SAMD12: variants seen among roughly 807,000 people sequenced by gnomAD.
SAMD12 encodes sterile alpha motif domain-containing protein 12.
A neutral mutation model predicts 15.0 loss-of-function variants in SAMD12; 9 were observed. That is an observed-to-expected ratio of 0.60 (90% CI 0.36 to 1.05). The LOEUF (loss-of-function observed/expected upper bound fraction) is 1.05. SAMD12 is among the 50% of genes least tolerant of loss of function. SAMD12 has a pLI of 0.01. For missense variants in SAMD12, 230 were observed against 234.2 expected, an observed-to-expected ratio of 0.98 and a Z score of 0.12; for synonymous variants, 86 against 90.1, an observed-to-expected ratio of 0.96 and a Z score of 0.25.
At chr8:118,364,419 G>C (rs955423983) in intron 4 of SAMD12, among the ~76,000 whole-genome samples, 5 of 152,080 alleles carry the variant, frequency 3.3e-5, no homozygotes, top group African/African-American at 1.2e-4. Context: ...TTTTAAGATA[G>C]GATACCTTTA....
intron 2 of SAMD12, among the ~76,000 whole-genome samples, chr8:118,472,364 C>G (rs1001036398): frequency 6.6e-5 from 10 of 151,702 alleles, no homozygotes; most frequent in Non-Finnish European, 1.5e-5. Flanking sequence ...TAATGGGTCT[C>G]GAAAGCCTGT....
intron 1 of SAMD12, among the ~76,000 whole-genome samples, chr8:118,617,711 T>C (rs77657824): frequency 1.6e-4 from 24 of 152,062 alleles, no homozygotes; most frequent in African/African-American, 5.3e-4. Context: ...AAAAAAAAAA[T>C]CCTTCTCTAG....
intron 4 of SAMD12, among the ~76,000 whole-genome samples, chr8:118,292,777 C>T (rs957310609): frequency 1.3e-5 from 2 of 151,682 alleles, no homozygotes; most frequent in African/African-American, 4.8e-5. Flanking sequence ...TGGAAATCAT[C>T]ATTCTCAGTA....
chr8:118,279,455 G>C (rs1813555420), intron 4 of SAMD12, among the ~76,000 whole-genome samples: 2 of 152,168 alleles, frequency 1.3e-5, no homozygotes, highest in African/African-American at 2.4e-5. Context: ...GTAATGATCA[G>C]ATATCACCAT....
At chr8:118,329,062 C>G (rs964402996) in intron 4 of SAMD12, among the ~76,000 whole-genome samples, 2 of 152,144 alleles carry the variant, frequency 1.3e-5, no homozygotes, top group African/African-American at 4.8e-5. Context: ...TGTACGTCAC[C>G]TCCTAAGAGT....
In SAMD12 at chr8:118,621,812, G is replaced by A; in HGVS notation, c.5C>T (p.Ala2Val). 1.2e-6 allele frequency: 2 copies of A among 1,614,080 alleles called. No individual in the cohort carries two copies. The highest frequency in any genetic ancestry group is 1.7e-6 in the Non-Finnish European group (2 of 1,179,960). M[A>V]VEALHCGLNP... ...CCCCAAGCGTCCCTTACCTTCCACA[G>A]CCATTCTCTCAGAGCTTCCCTAACG... The change falls in exon 1 of 4, where the codon GCT becomes GTT. Residue 2 changes from alanine (A) to valine (V), a missense_variant. By Grantham distance (64) the Ala-to-Val change is moderately conservative. Transcript: ENST00000314727.
chr8:118,181,301 C>A, the SAMD12 span, among the ~76,000 whole-genome samples: 4 of 152,228 alleles, frequency 2.6e-5, no homozygotes, highest in Admixed American at 2.0e-4. Context: ...TTTTGGGCCT[C>A]TATTTTCTCA....
intron 2 of SAMD12, among the ~76,000 whole-genome samples, chr8:118,546,663 C>T (rs540667974): frequency 2.0e-5 from 3 of 152,268 alleles, no homozygotes; most frequent in Non-Finnish European, 2.9e-5. Context: ...TGGAAAGCCC[C>T]GCTGCACCTC....
chr8:118,237,462 T>C (rs1176622494), intron 4 of SAMD12, among the ~76,000 whole-genome samples: 1 of 152,168 alleles, frequency 6.6e-6, no homozygotes. Context: ...GTGGTCCTAA[T>C]AGCTATGTGT....
At chr8:118,476,118 A>G (rs1325592808) in intron 2 of SAMD12, among the ~76,000 whole-genome samples, 3 of 152,174 alleles carry the variant, frequency 2.0e-5, no homozygotes, top group Non-Finnish European at 4.4e-5. Flanking sequence ...CATCAAGAGA[A>G]TTGTGACTTA....
At chr8:118,271,385 T>G (rs1403809566) in intron 4 of SAMD12, among the ~76,000 whole-genome samples, 2 of 152,108 alleles carry the variant, frequency 1.3e-5, no homozygotes, top group African/African-American at 4.8e-5. Context: ...TCCCATGACA[T>G]GCAGGGATTA....
At chr8:118,297,597 T>G (rs1244157030) in intron 4 of SAMD12, among the ~76,000 whole-genome samples, 2 of 152,344 alleles carry the variant, frequency 1.3e-5, no homozygotes, top group South Asian at 2.1e-4. Flanking sequence ...AATTGTATTC[T>G]CAATTAGAAG....
At position 118,379,143 on chromosome 8, in the gene SAMD12, C is replaced by T; in HGVS notation, c.*274G>A. ...TGGTCATCGTAACTATTGAATCACT[C>T]AAATGCTAAAGCGCCCTCACAATTG... is the stretch of plus-strand genomic sequence containing the variant. On this transcript the variant is annotated 3_prime_UTR_variant, in exon 4 of 4. Transcript: ENST00000314727. The T allele has an allele frequency of 1.1e-5, 13 of 1,189,984 alleles. No individual in the cohort carries two copies. Among genetic ancestry groups the T allele is most frequent in the Non-Finnish European group, 1.4e-5 (13 of 956,008 alleles). The allele number at this position is 1,189,984 out of a possible 1,614,324, so 73.7% of individuals were successfully genotyped here.
intron 2 of SAMD12, among the ~76,000 whole-genome samples, chr8:118,549,253 C>T (rs989899008): frequency 2.0e-5 from 3 of 152,130 alleles, no homozygotes; most frequent in South Asian, 2.1e-4. Context: ...CCCTGACCCC[C>T]GAGCAGCCTA....
chr8:118,339,398 C>G (rs879674138), intron 4 of SAMD12, among the ~76,000 whole-genome samples: 2 of 152,068 alleles, frequency 1.3e-5, no homozygotes, highest in African/African-American at 2.4e-5. Context: ...TGACACTTTG[C>G]TAAACCTACT....
chr8:118,551,790 A>G (rs1586811842), intron 2 of SAMD12, among the ~76,000 whole-genome samples: 2 of 151,964 alleles, frequency 1.3e-5, no homozygotes, highest in African/African-American at 2.4e-5. Flanking sequence ...CAAGACTAAT[A>G]AAGAAAAAAA....
At chr8:118,324,131 C>A (rs1816450139) in intron 4 of SAMD12, among the ~76,000 whole-genome samples, 1 of 152,108 alleles carries the variant, frequency 6.6e-6, no homozygotes, top group South Asian at 2.1e-4. Flanking sequence ...TCTGTTTCTT[C>A]TTCTCCTTAT....
chr8:118,352,766 G>A lies in SAMD12; in HGVS notation c.433+26794C>T, dbSNP rs77344138. On this transcript the variant is annotated intron_variant, in intron 4 of 4. Transcript: ENST00000409003. ...GAAGAGCATTTTATTGACTTGTCTC[G>A]TTTTTAATGCACTAAGAAATGCAGC... Among the ~76,000 whole-genome samples, 812 of 152,216 alleles carry A rather than the reference G, an allele frequency of 5.3e-3. 11 individuals are homozygous for A. Among genetic ancestry groups the A allele is most frequent in the African/African-American group, 0.017 (714 of 41,538 alleles).
chr8:118,283,268 A>T (rs11562675), intron 4 of SAMD12, among the ~76,000 whole-genome samples: 18,483 of 152,178 alleles, frequency 0.12, 1,704 homozygotes, highest in East Asian at 0.34. Flanking sequence ...TCTTATTCCT[A>T]ACGTATTAAT....
Sources: gnomAD v4.1 joint callset for allele counts (sites outside exome capture counted in the v4.1 genomes callset) on GRCh38, gnomAD v4.1.1 for gene constraint, MANE v1.5 for transcripts, NCBI Gene and HGNC (gene_info 2026-07-23, HGNC 2026-07-21) for gene names.